Variants in C16orf74 observed in about 807,000 individuals in gnomAD.
The protein encoded by C16orf74 is calcimembrin.
Under a neutral mutation model 6.5 loss-of-function variants are expected in C16orf74, and 10 were observed. The observed-to-expected ratio is 1.54, with a 90% CI of 0.95 to 2.61. The LOEUF is 2.61. Among genes scored for constraint, C16orf74 ranks in the 30% most tolerant of loss-of-function variants. The pLI is 0.00. For synonymous variants in C16orf74, 60 were observed against 42.5 expected (o/e 1.41, Z -1.60); for missense variants, 141 against 105.9 (o/e 1.33, Z -1.45).
chr16:85,719,121 T>C (rs1047635675), intron 2 of C16orf74, among the ~76,000 whole-genome samples: 1 of 152,240 alleles, frequency 6.6e-6, no homozygotes, highest in Non-Finnish European at 1.5e-5. Flanking sequence ...AGCCAGCTTA[T>C]GTCACCCTCC....
intron 2 of C16orf74, among the ~76,000 whole-genome samples, chr16:85,734,720 G>A (rs1360955571): frequency 6.6e-6 from 1 of 152,240 alleles, no homozygotes; most frequent in East Asian, 1.9e-4. Context: ...AGTCTGGGCT[G>A]CCTTTGCTAA....
chr16:85,741,385 G>T (rs2054305635), intron 1 of C16orf74, among the ~76,000 whole-genome samples: 3 of 152,198 alleles, frequency 2.0e-5, no homozygotes, highest in African/African-American at 7.2e-5. Flanking sequence ...ACACACAGGG[G>T]AAGGAAGGAA....
chr16:85,709,344 A>C (rs11649172), intron 3 of C16orf74, among the ~76,000 whole-genome samples: 48,063 of 151,954 alleles, frequency 0.32, 9,417 homozygotes, highest in East Asian at 0.65. Context: ...ACAAAGCAAC[A>C]CTCCATCTCA....
At chr16:85,716,124 A>G (rs1347795428) in intron 2 of C16orf74, among the ~76,000 whole-genome samples, 1 of 152,140 alleles carries the variant, frequency 6.6e-6, no homozygotes, top group Non-Finnish European at 1.5e-5. Flanking sequence ...ATTCTAAAAT[A>G]AAACACCCCA....
At chr16:85,748,566 C>G (rs301147) in intron 1 of C16orf74, among the ~76,000 whole-genome samples, 61,739 of 151,946 alleles carry the variant, frequency 0.41, 13,608 homozygotes, top group Middle Eastern at 0.59. Context: ...CCACTGCACT[C>G]CAGCCTGGGT....
At chr16:85,747,527 G>A (rs2054387803) in intron 1 of C16orf74, among the ~76,000 whole-genome samples, 1 of 152,114 alleles carries the variant, frequency 6.6e-6, no homozygotes, top group Non-Finnish European at 1.5e-5. Flanking sequence ...GGAGGAGCAT[G>A]AAGGGATTTC....
At chr16:85,738,859 T>C (rs74034067) in intron 1 of C16orf74, among the ~76,000 whole-genome samples, 1 of 152,084 alleles carries the variant, frequency 6.6e-6, no homozygotes, top group African/African-American at 2.4e-5. Context: ...TATAACCCCA[T>C]GAAGTTGGGA....
chr16:85,709,457 C>T lies in C16orf74; in HGVS notation c.172+707G>A, dbSNP rs191466195. 5.9e-5 allele frequency among the ~76,000 whole-genome samples: 9 copies of T among 152,002 alleles called. No individual in the cohort carries two copies. In the East Asian group the frequency reaches 1.2e-3, roughly 20 times the overall value. ...ACTAAATAAGAAAATCCATTTGTTA[C>T]GCTCAGTACAGTGCTACCTATCATG... On this transcript the variant is annotated intron_variant, in intron 3 of 3. Coordinates refer to ENST00000284245, the MANE Select transcript of C16orf74 (RefSeq NM_206967.3).
chr16:85,738,722 G>A (rs1442639464), intron 1 of C16orf74, among the ~76,000 whole-genome samples: 1 of 151,932 alleles, frequency 6.6e-6, no homozygotes, highest in East Asian at 1.9e-4. Context: ...TAGCGGAGGA[G>A]TGGGGCTGGG....
At chr16:85,748,935 T>TA (rs1567815821) in intron 1 of C16orf74, among the ~76,000 whole-genome samples, 1,166 of 27,070 alleles carry the variant, frequency 0.043, 10 homozygotes, top group African/African-American at 0.094. Flanking sequence ...ATTTTTTTTT[T>TA]TTTTTTTTTT....
intron 1 of C16orf74, among the ~76,000 whole-genome samples, chr16:85,744,670 A>C (rs1025459600): frequency 6.6e-6 from 1 of 151,810 alleles, no homozygotes; most frequent in Non-Finnish European, 1.5e-5. Flanking sequence ...CTCTACTAAA[A>C]ATACAAAAAA....
At chr16:85,747,836 C>T (rs2054390709) in intron 1 of C16orf74, among the ~76,000 whole-genome samples, 1 of 151,982 alleles carries the variant, frequency 6.6e-6, no homozygotes, top group African/African-American at 2.4e-5. Context: ...GCCTGTAATC[C>T]CAGCACTTTG....
chr16:85,707,881 G>C lies in C16orf74; in HGVS notation c.*127C>G. On this transcript the variant is annotated 3_prime_UTR_variant, in exon 4 of 4. Coordinates refer to ENST00000284245, the MANE Select transcript of C16orf74 (RefSeq NM_206967.3). ...CTGGTCCTGCCACGTCTCTCTGAGC[G>C]GAGGCCCGGGTTCGCTCAGTTCCCA... is the stretch of plus-strand genomic sequence containing the variant. 5.5e-6 allele frequency: 4 copies of C among 724,856 alleles called. No homozygotes were observed. Among genetic ancestry groups the C allele is most frequent in the African/African-American group, 1.8e-5 (1 of 56,864 alleles). The allele number at this position is 724,856 out of a possible 1,614,324, so 44.9% of individuals were successfully genotyped here.
chr16:85,709,192 T>C (rs1158140144), intron 3 of C16orf74, among the ~76,000 whole-genome samples: 2 of 152,122 alleles, frequency 1.3e-5, no homozygotes, highest in Non-Finnish European at 2.9e-5. Context: ...CCATTTCTAC[T>C]AAAATACAAA....
In C16orf74 at chr16:85,726,034, A is replaced by T. The variant is rs1176767192; in HGVS notation, c.28+9156T>A. Among the ~76,000 whole-genome samples, 4 of 152,072 alleles carry T rather than the reference A, an allele frequency of 2.6e-5. 1 individual carries two copies. The East Asian group carries it at 5.8e-4, about 22-fold the overall frequency. On this transcript the variant is annotated intron_variant, in intron 2 of 3. Transcript: ENST00000284245. ...AGCTCAGTGTGCTTGGTCCTGACTC[A>T]GGGCCTTTGCATTTGCTGTTCCTTC...
At chr16:85,733,800 CTGTT>C (rs537846992) in intron 2 of C16orf74, among the ~76,000 whole-genome samples, 49 of 152,156 alleles carry the variant, frequency 3.2e-4, no homozygotes, top group Non-Finnish European at 6.9e-4. Context: ...AGGACGTGGG[CTGTT>C]TGTGTCTGTC....
chr16:85,730,460 G>A (rs901859350), intron 2 of C16orf74, among the ~76,000 whole-genome samples: 5 of 152,156 alleles, frequency 3.3e-5, no homozygotes, highest in Admixed American at 2.0e-4. Context: ...GACTGGAGGG[G>A]AAGGGAAAGG....
At chr16:85,727,156 A>G (rs1020838111) in intron 2 of C16orf74, among the ~76,000 whole-genome samples, 4 of 152,240 alleles carry the variant, frequency 2.6e-5, no homozygotes, top group South Asian at 2.1e-4. Flanking sequence ...GGAGGGAACA[A>G]TCTCTCACGC....
chr16:85,711,863 C>A (rs2152057771), intron 2 of C16orf74, among the ~76,000 whole-genome samples: 1 of 152,256 alleles, frequency 6.6e-6, no homozygotes, highest in South Asian at 2.1e-4. Flanking sequence ...ACCATTAGGA[C>A]AATGTTCCTA....
Sources: allele counts gnomAD v4.1 joint callset (sites outside exome capture counted in the v4.1 genomes callset), GRCh38; gene constraint gnomAD v4.1.1; transcripts MANE v1.5; gene names NCBI Gene and HGNC (gene_info 2026-07-23, HGNC 2026-07-21).